Variants in ZDHHC6 observed in about 807,000 individuals in gnomAD.
ZDHHC6 encodes zDHHC palmitoyltransferase 6.
ZDHHC6 carries 32 observed loss-of-function variants against 57.8 expected under a neutral mutation model. The observed-to-expected ratio is 0.55, with a 90% CI of 0.42 to 0.74. The LOEUF (loss-of-function observed/expected upper bound fraction) is 0.74. Among genes scored for constraint, ZDHHC6 ranks in the 30% least tolerant of loss-of-function variants. The pLI is 0.00. For synonymous variants in ZDHHC6, 128 were observed against 158.0 expected (o/e 0.81, Z 1.42); for missense variants, 433 against 500.7 (o/e 0.86, Z 1.29).
intron 5 of ZDHHC6, 111 bp from the exon 6 acceptor site, chr10:112,438,500 T>A: frequency 1.5e-5 from 13 of 884,904 alleles, no homozygotes; most frequent in Non-Finnish European, 2.0e-5. Context: ...TAGACAAAGA[T>A]ACCAAGGATA....
In ZDHHC6 at chr10:112,430,918, A is replaced by G; in HGVS notation, c.1139-11T>C. On this transcript the variant is annotated splice_polypyrimidine_tract_variant and intron_variant, in intron 10 of 10. Transcript: ENST00000369405. ...TTATTCTTGAAACACCTGAGGGAGA[A>G]AATGAAATTGAGGTGAAATAGTCTG... 1.2e-6 allele frequency: 2 copies of G among 1,609,168 alleles called. No individual in the cohort carries two copies. The highest frequency in any genetic ancestry group is 1.7e-5 in the Admixed American group (1 of 59,740).
At chr10:112,435,635 AATT>A (rs1845453924) in intron 6 of ZDHHC6, among the ~76,000 whole-genome samples, 1 of 152,246 alleles carries the variant, frequency 6.6e-6, no homozygotes, top group Non-Finnish European at 1.5e-5. Flanking sequence ...TTACTAAAAT[AATT>A]ATTAAGCTAT....
In ZDHHC6 at chr10:112,430,892, C is replaced by T; in HGVS notation, c.1154G>A (p.Arg385Lys). 1.2e-6 allele frequency: 2 copies of T among 1,613,486 alleles called. No homozygotes were observed. Among genetic ancestry groups the T allele is most frequent in the South Asian group, 2.2e-5 (2 of 90,904 alleles). The change falls in exon 11 of 11, where the codon AGG becomes AAG. Residue 385 changes from arginine to lysine, a missense_variant. Physicochemically the swap from Arg to Lys is conservative, Grantham distance 26. Transcript: ENST00000369405. Reference sequence around the variant, plus strand: ...CACACATTTTCTAGGGAACCAACCCCTTATTCTTGAAACACCTGAGGGAGA... The same window carrying T: ...CACACATTTTCTAGGGAACCAACCCTTTATTCTTGAAACACCTGAGGGAGA... Reference protein sequence around the residue: ...DSFIEGVSRIRGWFPRKCVEK... With the variant: ...DSFIEGVSRIKGWFPRKCVEK...
chr10:112,443,017 A>T (rs1419802237), intron 3 of ZDHHC6, among the ~76,000 whole-genome samples: 1 of 152,198 alleles, frequency 6.6e-6, no homozygotes, highest in East Asian at 1.9e-4. Flanking sequence ...AGGTTATTTC[A>T]TATTTTTAAT....
chr10:112,426,759 A>G, downstream of ZDHHC6: 1 of 1,604,182 alleles, frequency 6.2e-7, no homozygotes, highest in African/African-American at 1.3e-5. Context: ...TGAAACAGCC[A>G]TGCTTTAAGT....
chr10:112,438,377 G>T lies in ZDHHC6; in HGVS notation c.694C>A (p.Leu232Ile). The T allele has an allele frequency of 2.2e-6, 3 of 1,384,606 alleles. No individual in the cohort carries two copies. The highest frequency in any genetic ancestry group is 2.8e-5 in the Admixed American group (1 of 35,486). 85.8% of individuals were successfully genotyped at this position (1,384,606 alleles called of 1,614,324 possible). ...GACTCAATAGAAGTTTTGTTTCTGA[G>T]AATTATTTTCATCTGGAAATTAAAT... is the stretch of plus-strand genomic sequence containing the variant. The part of the protein sequence containing the change: ...MLFFIQMKII[L>I]RNKTSIESWI... The change falls in exon 6 of 11, where the codon CTC (leucine) becomes ATC (isoleucine). Residue 232 changes from leucine to isoleucine, a missense_variant. By Grantham distance (5) the Leu-to-Ile change is conservative (BLOSUM62 2). Transcript: ENST00000369405.
chr10:112,446,684 A>G (rs1383284417), intron 1 of ZDHHC6, 21 bp downstream of exon 1: 1 of 154,162 alleles, frequency 6.5e-6, no homozygotes, highest in African/African-American at 2.4e-5. Flanking sequence ...TCGTGCTTAT[A>G]TTCCCTGCCT....
At position 112,432,114 on chromosome 10, in the gene ZDHHC6, T is replaced by C. The variant is rs975940242; in HGVS notation, c.1138+126A>G. ...TAAGGAAGTTCCTTTTGTTGCTTAG[T>C]GATATACCCTTCTATGCAGTTCCCC... On this transcript the variant is annotated intron_variant, in intron 10 of 10. Coordinates refer to ENST00000369405, the MANE Select transcript of ZDHHC6 (RefSeq NM_022494.3). 3 of 871,428 alleles carry C rather than the reference T, an allele frequency of 3.4e-6. No homozygotes were observed. The African/African-American group carries it at 5.1e-5, about 15-fold the overall frequency. 54.0% of individuals were successfully genotyped at this position (871,428 alleles called of 1,614,324 possible).
intron 4 of ZDHHC6, among the ~76,000 whole-genome samples, chr10:112,441,961 A>G (rs1846158526): frequency 6.6e-6 from 1 of 152,234 alleles, no homozygotes; most frequent in Admixed American, 6.5e-5. Context: ...TAAAATATTT[A>G]TCACCTTCAA....
chr10:112,440,837 T>G, intron 4 of ZDHHC6, 142 bp from the exon 5 acceptor site: 1 of 550,994 alleles, frequency 1.8e-6, no homozygotes, highest in African/African-American at 2.0e-5. Context: ...TTTTATTTTA[T>G]TTTATTTATT....
intron 3 of ZDHHC6, 33 bp downstream of exon 3, chr10:112,443,482 C>T (rs1564768577): frequency 6.3e-7 from 1 of 1,578,402 alleles, no homozygotes; most frequent in Admixed American, 1.7e-5. Context: ...ATTAGTTGAT[C>T]AGTCCTCGCT....
downstream of ZDHHC6, among the ~76,000 whole-genome samples, chr10:112,429,518 T>C (rs773554354): frequency 1.3e-5 from 2 of 152,194 alleles, no homozygotes; most frequent in African/African-American, 2.4e-5. Context: ...TCTTCCCTTA[T>C]CCTCAACTAT....
downstream of ZDHHC6, chr10:112,426,722 G>C: frequency 1.4e-6 from 2 of 1,423,778 alleles, no homozygotes. Context: ...ACTTTGAGTT[G>C]GTTCATGCTT....
chr10:112,434,983 G>A (rs756500748), intron 6 of ZDHHC6, among the ~76,000 whole-genome samples: 16 of 152,346 alleles, frequency 1.1e-4, no homozygotes, highest in South Asian at 2.1e-4. Flanking sequence ...CAGGAAAGGT[G>A]TAACAGGAGA....
chr10:112,445,603 C>T lies in ZDHHC6; in HGVS notation c.-167G>A. ...CATTTTCACTGTCAGGCACCCAAAG[C>T]TCTTTATCTTAACTAGGAGAATCCA... On this transcript the variant is annotated 5_prime_UTR_variant, in exon 2 of 11. Coordinates refer to ENST00000369405, the MANE Select transcript of ZDHHC6 (RefSeq NM_022494.3). 2.6e-6 allele frequency: 2 copies of T among 781,820 alleles called. No individual in the cohort carries two copies. The highest frequency in any genetic ancestry group is 3.9e-6 in the Non-Finnish European group (2 of 509,782). The allele number at this position is 781,820 out of a possible 1,614,324, so 48.4% of individuals were successfully genotyped here.
At chr10:112,432,601 G>T in intron 8 of ZDHHC6, 80 bp from the exon 9 acceptor site, 1 of 1,522,382 alleles carries the variant, frequency 6.6e-7, no homozygotes, top group East Asian at 2.3e-5. Context: ...AAATTTTAAA[G>T]CAAGATCCAA....
At chr10:112,425,309 A>T (rs1554866122), downstream of ZDHHC6, 6 of 1,583,568 alleles carry the variant, frequency 3.8e-6, no homozygotes, top group East Asian at 2.3e-5. Flanking sequence ...TGGCTCAAAA[A>T]TACTGATACT....
downstream of ZDHHC6, chr10:112,426,780 A>G: frequency 6.2e-7 from 1 of 1,613,426 alleles, no homozygotes; most frequent in Non-Finnish European, 8.5e-7. Flanking sequence ...GATGTTTTGT[A>G]TTCTTAGGTT....
chr10:112,440,817 A>G, intron 4 of ZDHHC6, 122 bp from the exon 5 acceptor site: 1 of 687,872 alleles, frequency 1.5e-6, no homozygotes, highest in Non-Finnish European at 2.1e-6. Context: ...GCCAACGCAA[A>G]CACAGCTATT....
Sources: allele counts gnomAD v4.1 joint callset (sites outside exome capture counted in the v4.1 genomes callset), GRCh38; gene constraint gnomAD v4.1.1; transcripts MANE v1.5; gene names NCBI Gene and HGNC (gene_info 2026-07-23, HGNC 2026-07-21).